MYOZ2: variants seen among roughly 807,000 people sequenced by gnomAD.
The protein encoded by MYOZ2 is myozenin-2.
MYOZ2 carries 19 observed loss-of-function variants against 25.4 expected under a neutral mutation model. The ratio of observed to expected loss-of-function variants is 0.75; its 90% CI spans 0.52 to 1.10. The LOEUF is 1.10. Among genes scored for constraint, MYOZ2 ranks in the 50% least tolerant of loss-of-function variants. The pLI is 0.00. For synonymous variants in MYOZ2, 92 were observed against 106.9 expected (o/e 0.86, Z 0.86); for missense variants, 270 against 317.9 (o/e 0.85, Z 1.15).
At chr4:119,146,080 T>G (rs996999450) in intron 2 of MYOZ2, among the ~76,000 whole-genome samples, 6 of 152,150 alleles carry the variant, frequency 3.9e-5, no homozygotes, top group African/African-American at 1.2e-4. Flanking sequence ...TATCTCTGAT[T>G]TTGTTCCTAA....
At chr4:119,157,906 T>G (rs1441393769) in intron 3 of MYOZ2, 116 bp from the exon 4 acceptor site, 3 of 1,294,934 alleles carry the variant, frequency 2.3e-6, no homozygotes, top group Non-Finnish European at 3.3e-6. Context: ...CAGGAAGTAA[T>G]GAAGCGACAT....
chr4:119,138,952 G>T (rs1741099230), intron 2 of MYOZ2, among the ~76,000 whole-genome samples: 1 of 152,044 alleles, frequency 6.6e-6, no homozygotes, highest in Admixed American at 6.6e-5. Context: ...TTACATCAGA[G>T]CCCTCATTCC....
In MYOZ2 at chr4:119,186,543, G is replaced by A; in HGVS notation, c.*343G>A. The A allele has an allele frequency of 4.0e-6, 1 of 248,216 alleles. No homozygotes were observed. Among genetic ancestry groups the A allele is most frequent in the Non-Finnish European group, 7.8e-6 (1 of 127,658 alleles). The allele number at this position is 248,216 out of a possible 1,614,324, so 15.4% of individuals were successfully genotyped here. A position where few individuals can be genotyped will look rare whatever the true frequency, so the allele number is the denominator to read the frequency against. On this transcript the variant is annotated 3_prime_UTR_variant, in exon 6 of 6. Coordinates refer to ENST00000307128, the MANE Select transcript of MYOZ2 (RefSeq NM_016599.5). ...TTATTACAGTGTAAGTTTTTCAAGT[G>A]GAATCTAGAATCAAAATACAGGGAG...
chr4:119,172,752 C>T (rs1741972961), intron 5 of MYOZ2, among the ~76,000 whole-genome samples: 1 of 152,138 alleles, frequency 6.6e-6, no homozygotes, highest in African/African-American at 2.4e-5. Flanking sequence ...GCTGTTACCG[C>T]CATTGTTTCG....
chr4:119,150,023 G>T (rs943025309), intron 2 of MYOZ2, among the ~76,000 whole-genome samples: 1 of 152,078 alleles, frequency 6.6e-6, no homozygotes, highest in Non-Finnish European at 1.5e-5. Context: ...GTCAACTGTG[G>T]CAAAAAGACT....
intron 5 of MYOZ2, among the ~76,000 whole-genome samples, chr4:119,170,037 T>G (rs560628679): frequency 3.9e-5 from 6 of 152,282 alleles, no homozygotes; most frequent in Admixed American, 1.3e-4. Context: ...ATGAACTATC[T>G]TAATCACTTT....
In MYOZ2 at chr4:119,150,424, G is replaced by A. The variant is rs1053057728; in HGVS notation, c.77-448G>A. Among the ~76,000 whole-genome samples the A allele has an allele frequency of 2.6e-5, 4 of 151,770 alleles. No individual in the cohort carries two copies. In the South Asian group the frequency reaches 6.3e-4, roughly 24 times the overall value. ...ATGCAGAATAAATAGTATTTTGACC[G>A]AGTCTGGGAAATGGGGTGGGGTGGA... On this transcript the variant is annotated intron_variant, in intron 2 of 5. Coordinates refer to ENST00000307128, the MANE Select transcript of MYOZ2 (RefSeq NM_016599.5).
chr4:119,173,147 A>G (rs974847133), intron 5 of MYOZ2, among the ~76,000 whole-genome samples: 1 of 152,242 alleles, frequency 6.6e-6, no homozygotes, highest in Non-Finnish European at 1.5e-5. Flanking sequence ...ATCCAGTACT[A>G]TTAGTTTTCA....
intron 5 of MYOZ2, among the ~76,000 whole-genome samples, chr4:119,177,741 C>T (rs1742108707): frequency 6.6e-6 from 1 of 152,180 alleles, no homozygotes; most frequent in Non-Finnish European, 1.5e-5. Context: ...TCTCTAATTG[C>T]ATACTGATTC....
intron 2 of MYOZ2, among the ~76,000 whole-genome samples, chr4:119,148,394 T>A (rs1741357721): frequency 6.6e-6 from 1 of 152,154 alleles, no homozygotes; most frequent in South Asian, 2.1e-4. Flanking sequence ...TCTTGTCAAC[T>A]TTAGGACATT....
chr4:119,144,635 A>T (rs1242094697), intron 2 of MYOZ2, among the ~76,000 whole-genome samples: 5 of 152,194 alleles, frequency 3.3e-5, no homozygotes, highest in Admixed American at 3.3e-4. Context: ...TTCATTAAAG[A>T]CATTCTGATA....
chr4:119,158,575 G>C (rs1338303198), intron 4 of MYOZ2, among the ~76,000 whole-genome samples: 1 of 151,950 alleles, frequency 6.6e-6, no homozygotes, highest in African/African-American at 2.4e-5. Flanking sequence ...TTTCTTTTTT[G>C]GATAAATAGA....
rs942457663 is a variant in MYOZ2 at position 119,140,818 on chromosome 4, A to C, written c.76+4217A>C. ...TTTTTGAATGTTTATAGATTTATAC[A>C]GTTTTTAAATAATATTTTTATTAAT... On this transcript the variant is annotated intron_variant, in intron 2 of 5. Transcript: ENST00000307128. Among the ~76,000 whole-genome samples the C allele has an allele frequency of 3.3e-5, 5 of 152,346 alleles. No individual in the cohort carries two copies. In the East Asian group the frequency reaches 9.6e-4, roughly 29 times the overall value.
chr4:119,165,858 C>T (rs147525813), intron 5 of MYOZ2, among the ~76,000 whole-genome samples: 1 of 152,292 alleles, frequency 6.6e-6, no homozygotes, highest in African/African-American at 2.4e-5. Context: ...TGCTGAGCAG[C>T]TTGCCTGTAG....
Position 119,158,122 on chromosome 4 carries a change from G to C in MYOZ2, c.347G>C (p.Ser116Thr), listed in dbSNP as rs1336546013. ...LTPPNTPDPR[S>T]PPNPDNIAPG... is the part of the protein sequence containing the mutation. ...CCTCCCAACACCCCAGATCCACGAA[G>C]CCCTCCAAATCCAGACAACATTGCT... The change falls in exon 4 of 6, where the codon AGC becomes ACC. Residue 116 changes from serine to threonine, a missense_variant. Coordinates refer to ENST00000307128, the MANE Select transcript of MYOZ2 (RefSeq NM_016599.5). 6.2e-7 allele frequency: 1 copy of C among 1,613,862 alleles called. No homozygotes were observed. The highest frequency in any genetic ancestry group is 1.3e-5 in the African/African-American group (1 of 74,866).
chr4:119,144,334 C>T (rs1285792952), intron 2 of MYOZ2, among the ~76,000 whole-genome samples: 1 of 152,048 alleles, frequency 6.6e-6, no homozygotes, highest in Non-Finnish European at 1.5e-5. Context: ...TGTGGATGGA[C>T]CACAGTGTTT....
At chr4:119,144,478 T>C (rs1025697220) in intron 2 of MYOZ2, among the ~76,000 whole-genome samples, 2 of 152,226 alleles carry the variant, frequency 1.3e-5, no homozygotes, top group Non-Finnish European at 2.9e-5. Context: ...AAATGTCCAG[T>C]ATTGCAGGGT....
intron 5 of MYOZ2, among the ~76,000 whole-genome samples, chr4:119,172,590 T>C (rs1259687198): frequency 6.6e-6 from 1 of 152,200 alleles, no homozygotes; most frequent in African/African-American, 2.4e-5. Flanking sequence ...CATAGTGATG[T>C]TATCCCCAAG....
intron 4 of MYOZ2, among the ~76,000 whole-genome samples, chr4:119,161,676 C>G (rs1741713111): frequency 6.6e-6 from 1 of 151,776 alleles, no homozygotes; most frequent in South Asian, 2.1e-4. Flanking sequence ...ATTAGAAAAC[C>G]TTGAATGTTC....
Sources: allele counts gnomAD v4.1 joint callset (sites outside exome capture counted in the v4.1 genomes callset), GRCh38; gene constraint gnomAD v4.1.1; transcripts MANE v1.5; gene names NCBI Gene and HGNC (gene_info 2026-07-23, HGNC 2026-07-21).